STPG2: variants seen among roughly 807,000 people sequenced by gnomAD.
STPG2 encodes sperm-tail PG-rich repeat-containing protein 2.
A neutral mutation model predicts 54.2 loss-of-function variants in STPG2; 56 were observed. The ratio of observed to expected loss-of-function variants is 1.03; its 90% CI spans 0.83 to 1.29. The LOEUF (loss-of-function observed/expected upper bound fraction) is 1.29. Among genes scored for constraint, STPG2 ranks in the 50% most tolerant of loss-of-function variants. The pLI is 0.00. For missense variants in STPG2, 596 were observed against 544.9 expected (o/e 1.09, Z -0.93); for synonymous variants, 200 against 181.8 (o/e 1.10, Z -0.81).
chr4:98,036,678 G>C (rs1382434413), intron 5 of STPG2, among the ~76,000 whole-genome samples: 1 of 151,300 alleles, frequency 6.6e-6, no homozygotes, highest in Admixed American at 6.6e-5. Flanking sequence ...GGAAGAGGGA[G>C]AGGATGAGAA....
intron 5 of STPG2, among the ~76,000 whole-genome samples, chr4:97,986,477 G>T (rs115794331): frequency 7.7e-4 from 117 of 152,292 alleles, no homozygotes; most frequent in African/African-American, 2.5e-3. Context: ...CTGTAGAAAT[G>T]ACCTATGGCC....
chr4:97,843,939 GA>G (rs927987948), intron 8 of STPG2, among the ~76,000 whole-genome samples: 5 of 151,624 alleles, frequency 3.3e-5, no homozygotes, highest in Admixed American at 3.3e-4. Flanking sequence ...ACAAAATTCA[GA>G]ATTTGTATGA....
At chr4:97,557,909 C>T (rs185101150), downstream of STPG2, among the ~76,000 whole-genome samples, 101 of 152,252 alleles carry the variant, frequency 6.6e-4, no homozygotes, top group Admixed American at 1.8e-3. Flanking sequence ...TCAACACCAA[C>T]GAAGAAAGGC....
At chr4:98,074,642 A>G (rs1207582569) in intron 5 of STPG2, among the ~76,000 whole-genome samples, 1 of 152,128 alleles carries the variant, frequency 6.6e-6, no homozygotes, top group East Asian at 1.9e-4. Context: ...TTTCCACTGA[A>G]CTTGTCTCCA....
chr4:98,018,179 C>G (rs912706626), intron 5 of STPG2, among the ~76,000 whole-genome samples: 1 of 152,056 alleles, frequency 6.6e-6, no homozygotes, highest in African/African-American at 2.4e-5. Context: ...ATCCCCACCC[C>G]ACAACAGTCC....
At chr4:97,997,838 A>G (rs1317489982) in intron 5 of STPG2, among the ~76,000 whole-genome samples, 1 of 152,166 alleles carries the variant, frequency 6.6e-6, no homozygotes, top group Non-Finnish European at 1.5e-5. Flanking sequence ...AAAGGGAACA[A>G]AAGACACTGG....
intron 5 of STPG2, among the ~76,000 whole-genome samples, chr4:98,081,956 T>C (rs565603369): frequency 1.3e-5 from 2 of 152,316 alleles, no homozygotes; most frequent in South Asian, 4.1e-4. Context: ...TTAAGTGCAG[T>C]AAATACTAAA....
At chr4:97,847,803 C>A (rs889656782) in intron 8 of STPG2, among the ~76,000 whole-genome samples, 7 of 149,512 alleles carry the variant, frequency 4.7e-5, no homozygotes, top group Non-Finnish European at 8.9e-5. Flanking sequence ...TTAGCCAAGC[C>A]TAAAAATACA....
At chr4:97,529,936 T>G (rs545963595) in intron 4 of STPG2, among the ~76,000 whole-genome samples, 6 of 152,288 alleles carry the variant, frequency 3.9e-5, no homozygotes, top group African/African-American at 1.2e-4. Context: ...AATATTTATT[T>G]ATACTAATTT....
intron 9 of STPG2, among the ~76,000 whole-genome samples, chr4:97,787,429 T>C (rs1461274431): frequency 3.3e-5 from 5 of 152,110 alleles, no homozygotes; most frequent in Non-Finnish European, 4.4e-5. Flanking sequence ...TTAAATTGCA[T>C]TGATTTATTT....
At chr4:97,667,126 C>T (rs919555758) in intron 10 of STPG2, among the ~76,000 whole-genome samples, 1 of 152,270 alleles carries the variant, frequency 6.6e-6, no homozygotes, top group Non-Finnish European at 1.5e-5. Flanking sequence ...AAATAAATAT[C>T]CCCAAACTAC....
At position 97,779,133 on chromosome 4, in the gene STPG2, C is replaced by T. The variant is rs150105630; in HGVS notation, c.1204+61640G>A. ...AAGTCTTCAGACGATCAAACTTCTC[C>T]GAGGTAAAGGAAGAAAGTCGAACCC... On this transcript the variant is annotated intron_variant, in intron 9 of 10. Transcript: ENST00000295268. 6.2e-4 allele frequency among the ~76,000 whole-genome samples: 95 copies of T among 152,142 alleles called. No homozygotes were observed. The East Asian group carries it at 8.5e-3, about 14-fold the overall frequency.
rs150372411 is a variant in STPG2, at chr4:98,128,495, C to A, written c.320G>T (p.Ser107Ile). ...AGCAGGTGGAAAACATTTTATAATA[C>A]TGCCATCATCATTAATATGATAACC... is the stretch of plus-strand genomic sequence containing the variant. Reference protein sequence around the residue: ...SYGYHINDDGSIIKCFPPACD... With the variant: ...SYGYHINDDGIIIKCFPPACD... The change falls in exon 3 of 11, where the codon AGT (serine) becomes ATT (isoleucine). Residue 107 changes from serine to isoleucine, a missense_variant. Ser to Ile is a moderately radical substitution (Grantham distance 142). Coordinates refer to ENST00000295268, the MANE Select transcript of STPG2 (RefSeq NM_174952.3). The A allele has an allele frequency of 1.2e-5, 19 of 1,613,510 alleles. No homozygotes were observed. The Admixed American group carries it at 3.0e-4, about 25-fold the overall frequency.
At chr4:97,700,662 A>C (rs941850508) in intron 10 of STPG2, among the ~76,000 whole-genome samples, 2 of 152,238 alleles carry the variant, frequency 1.3e-5, no homozygotes, top group South Asian at 4.1e-4. Flanking sequence ...GTAATAGACC[A>C]GTGTGATATC....
At chr4:97,908,148 C>T (rs1278596720) in intron 8 of STPG2, among the ~76,000 whole-genome samples, 1 of 151,726 alleles carries the variant, frequency 6.6e-6, no homozygotes, top group Non-Finnish European at 1.5e-5. Context: ...CCAGAATCTA[C>T]AATGAACTCA....
intron 8 of STPG2, among the ~76,000 whole-genome samples, chr4:97,865,190 T>C (rs1325783048): frequency 6.6e-6 from 1 of 151,868 alleles, no homozygotes; most frequent in African/African-American, 2.4e-5. Context: ...TGCAATCTAC[T>C]CATCTGACAA....
intron 8 of STPG2, among the ~76,000 whole-genome samples, chr4:97,870,279 C>A (rs766050384): frequency 6.6e-6 from 1 of 151,240 alleles, no homozygotes; most frequent in Admixed American, 6.6e-5. Context: ...TGTGATATAA[C>A]AAAATATTAT....
chr4:97,447,546 C>T (rs372815024), intron 4 of STPG2, among the ~76,000 whole-genome samples: 1 of 151,560 alleles, frequency 6.6e-6, no homozygotes, highest in African/African-American at 2.4e-5. Flanking sequence ...GTCCTATGAC[C>T]CAGATGCTTC....
chr4:97,567,021 T>G (rs1265404706), intron 10 of STPG2, among the ~76,000 whole-genome samples: 1 of 151,718 alleles, frequency 6.6e-6, no homozygotes, highest in Non-Finnish European at 1.5e-5. Context: ...ACCCTAAAAC[T>G]TAAAGTATAA....
Sources: gnomAD v4.1 joint callset for allele counts (sites outside exome capture counted in the v4.1 genomes callset) on GRCh38, gnomAD v4.1.1 for gene constraint, MANE v1.5 for transcripts, NCBI Gene and HGNC (gene_info 2026-07-23, HGNC 2026-07-21) for gene names.